Variants in ERCC6L2 observed in about 807,000 individuals in gnomAD.
The protein encoded by ERCC6L2 is ERCC excision repair 6 like 2, also known as DNA excision repair protein ERCC-6-like 2.
Under a neutral mutation model 132.0 loss-of-function variants are expected in ERCC6L2, and 77 were observed. That is an observed-to-expected ratio of 0.58 (90% CI 0.49 to 0.71). ERCC6L2 has a LOEUF of 0.71. Ranked by LOEUF, ERCC6L2 falls within the 30% of genes least tolerant of loss-of-function variation. ERCC6L2 has a pLI of 0.00. For synonymous variants in ERCC6L2, 583 were observed against 632.4 expected (o/e 0.92, Z 1.17); for missense variants, 1,542 against 1,837.6 (o/e 0.84, Z 2.94).
chr9:95,993,968 C>T (rs576065011), intron 17 of ERCC6L2, among the ~76,000 whole-genome samples: 1 of 152,298 alleles, frequency 6.6e-6, no homozygotes, highest in African/African-American at 2.4e-5. Context: ...GCTGGCTTTT[C>T]TGCAGATAGT....
In ERCC6L2 at chr9:96,015,342, C is replaced by G. The variant is rs1408564806; in HGVS notation, c.*2139C>G. ...CTGGGACTACAGGTGCGTGCCACCACGCCCAGCTAATTTTTTTGTGTTTTT... is the reference window on the plus strand; with the variant it reads ...CTGGGACTACAGGTGCGTGCCACCAGGCCCAGCTAATTTTTTTGTGTTTTT... On this transcript the variant is annotated 3_prime_UTR_variant, in exon 19 of 19. Transcript: ENST00000653738. Among the ~76,000 whole-genome samples the G allele has an allele frequency of 1.3e-5, 2 of 151,780 alleles. No individual in the cohort carries two copies. Among genetic ancestry groups the G allele is most frequent in the African/African-American group, 4.8e-5 (2 of 41,376 alleles).
intron 6 of ERCC6L2, chr9:95,918,479 T>G (rs1829706612): frequency 2.0e-6 from 1 of 497,718 alleles, no homozygotes; most frequent in Admixed American, 2.1e-5. Context: ...TGTTGGCTCA[T>G]GAAATAGGTT....
At chr9:95,952,548 T>C (rs570052803) in intron 12 of ERCC6L2, among the ~76,000 whole-genome samples, 32 of 152,292 alleles carry the variant, frequency 2.1e-4, no homozygotes, top group African/African-American at 7.5e-4. Flanking sequence ...TCAACATCTT[T>C]TTAAAGATGA....
Position 95,975,384 on chromosome 9 carries a change from A to G in ERCC6L2, c.3337+2296A>G, listed in dbSNP as rs749255297. Among the ~76,000 whole-genome samples, 4 of 152,142 alleles carry G rather than the reference A, an allele frequency of 2.6e-5. No individual in the cohort carries two copies. In the South Asian group the frequency reaches 8.3e-4, roughly 32 times the overall value. The stretch of plus-strand genomic sequence containing the variant: ...TATACCTAAAAGTTTTGCTGGATGT[A>G]AAATACTTGGCTCACATTGTCTTTT... On this transcript the variant is annotated intron_variant, in intron 16 of 18. Coordinates refer to ENST00000653738, the MANE Select transcript of ERCC6L2 (RefSeq NM_020207.7).
chr9:96,029,944 A>G (rs1292481953), intron 19 of ERCC6L2, among the ~76,000 whole-genome samples: 1 of 152,220 alleles, frequency 6.6e-6, no homozygotes, highest in Admixed American at 6.5e-5. Context: ...GAGCCCGGAC[A>G]CCAGCCACCT....
chr9:95,929,006 A>G, intron 11 of ERCC6L2, 142 bp downstream of exon 11: 1 of 538,310 alleles, frequency 1.9e-6, no homozygotes, highest in Non-Finnish European at 3.1e-6. Flanking sequence ...CCGAAATTTC[A>G]ATGTCTTAAG....
At chr9:95,975,229 C>A (rs1421311157) in intron 16 of ERCC6L2, among the ~76,000 whole-genome samples, 1 of 152,146 alleles carries the variant, frequency 6.6e-6, no homozygotes, top group Non-Finnish European at 1.5e-5. Flanking sequence ...TCATGCTCCC[C>A]ATCAGTCCTT....
intron 11 of ERCC6L2, 180 bp downstream of exon 11, chr9:95,929,044 T>G (rs1454090106): frequency 2.2e-6 from 1 of 449,848 alleles, no homozygotes. Context: ...TCTCATTTCC[T>G]TTATCAACAT....
At chr9:96,026,335 G>T (rs900146792) in intron 19 of ERCC6L2, among the ~76,000 whole-genome samples, 1 of 152,156 alleles carries the variant, frequency 6.6e-6, no homozygotes, top group African/African-American at 2.4e-5. Context: ...CCTGGCGGGA[G>T]CTCGCTGGCC....
chr9:95,999,249 T>C (rs748402219), intron 17 of ERCC6L2, among the ~76,000 whole-genome samples: 15 of 151,926 alleles, frequency 9.9e-5, no homozygotes, highest in Non-Finnish European at 2.2e-4. Context: ...TAGTCCCAGC[T>C]ACTCAGGAGG....
chr9:95,894,981 T>A (rs1335513601), intron 2 of ERCC6L2, among the ~76,000 whole-genome samples: 4 of 152,142 alleles, frequency 2.6e-5, no homozygotes, highest in Non-Finnish European at 5.9e-5. Context: ...CAAATATTCG[T>A]TAGGTGAAGG....
intron 11 of ERCC6L2, among the ~76,000 whole-genome samples, chr9:95,934,274 AT>A (rs1830465763): frequency 6.6e-6 from 1 of 152,202 alleles, no homozygotes; most frequent in Non-Finnish European, 1.5e-5. Context: ...AGTTCAAAAC[AT>A]GAAAAGATCA....
chr9:95,914,795 A>G (rs1829502948), intron 4 of ERCC6L2, among the ~76,000 whole-genome samples: 1 of 152,242 alleles, frequency 6.6e-6, no homozygotes, highest in African/African-American at 2.4e-5. Flanking sequence ...AGTCCAACTT[A>G]TCACACTATT....
At chr9:95,891,526 T>A (rs1188165099) in intron 2 of ERCC6L2, among the ~76,000 whole-genome samples, 3 of 152,190 alleles carry the variant, frequency 2.0e-5, no homozygotes, top group Non-Finnish European at 4.4e-5. Context: ...AACATTTGTA[T>A]GCAAACATTT....
At chr9:95,929,961 C>T (rs1830266946) in intron 11 of ERCC6L2, among the ~76,000 whole-genome samples, 1 of 152,150 alleles carries the variant, frequency 6.6e-6, no homozygotes, top group Non-Finnish European at 1.5e-5. Context: ...CCTAATTACC[C>T]CTTCACCTCT....
downstream of ERCC6L2, chr9:96,019,970 G>C (rs1283758728): frequency 6.6e-6 from 1 of 152,338 alleles, no homozygotes; most frequent in Non-Finnish European, 1.5e-5. Flanking sequence ...CAGATCACAA[G>C]GTCAGGAGTT....
intron 8 of ERCC6L2, 36 bp downstream of exon 8, chr9:95,922,454 T>C: frequency 8.5e-7 from 1 of 1,175,582 alleles, no homozygotes; most frequent in Non-Finnish European, 1.2e-6. Flanking sequence ...TGTGATGCTA[T>C]TGTTGTGAAT....
chr9:95,899,608 G>T (rs537012910), intron 3 of ERCC6L2, among the ~76,000 whole-genome samples: 1 of 136,592 alleles, frequency 7.3e-6, no homozygotes, highest in Non-Finnish European at 1.6e-5. Flanking sequence ...ATATGTGTGT[G>T]TGTGTGTGTG....
chr9:95,876,045 C>T lies in ERCC6L2; in HGVS notation c.7C>T (p.Pro3Ser). Residue 3 changes from proline to serine, a missense_variant, in exon 1 of 19, where the codon CCG becomes TCG. Transcript: ENST00000653738. MD[P>S]SAPQPRAETS... ...GGCCCCTCCCCCTGGCCGGATGGAT[C>T]CGTCGGCGCCACAGCCCCGCGCGGA... 2 of 1,588,784 alleles carry T rather than the reference C, an allele frequency of 1.3e-6. No individual in the cohort carries two copies. The highest frequency in any genetic ancestry group is 1.1e-5 in the South Asian group (1 of 87,298).
Sources: gnomAD v4.1 joint callset for allele counts (sites outside exome capture counted in the v4.1 genomes callset) on GRCh38, gnomAD v4.1.1 for gene constraint, MANE v1.5 for transcripts, NCBI Gene and HGNC (gene_info 2026-07-23, HGNC 2026-07-21) for gene names.